Variants in TLL2 observed in about 807,000 individuals in gnomAD.
TLL2 encodes the protein tolloid-like protein 2.
TLL2 carries 106 observed loss-of-function variants against 123.0 expected under a neutral mutation model. The observed-to-expected ratio is 0.86, with a 90% CI of 0.74 to 1.01. The LOEUF is 1.01. TLL2 is among the 50% of genes least tolerant of loss of function. TLL2 has a pLI of 0.00. For missense variants in TLL2, 1,332 were observed against 1,336.7 expected, an observed-to-expected ratio of 1.00 and a Z score of 0.06; for synonymous variants, 494 against 516.8, an observed-to-expected ratio of 0.96 and a Z score of 0.60.
chr10:96,451,461 A>G (rs901150926), intron 2 of TLL2, among the ~76,000 whole-genome samples: 2 of 152,234 alleles, frequency 1.3e-5, no homozygotes, highest in Non-Finnish European at 2.9e-5. Flanking sequence ...GCCTTGTGCC[A>G]TAGATTAATA....
At chr10:96,397,712 G>A (rs1846355429) in intron 10 of TLL2, among the ~76,000 whole-genome samples, 1 of 152,164 alleles carries the variant, frequency 6.6e-6, no homozygotes, top group African/African-American at 2.4e-5. Flanking sequence ...TGCTTTCCTT[G>A]ACTTGGGAAG....
At chr10:96,395,163 T>C (rs770838352) in intron 13 of TLL2, 24 bp downstream of exon 13, 27 of 1,575,000 alleles carry the variant, frequency 1.7e-5, no homozygotes, top group Non-Finnish European at 2.3e-5. Flanking sequence ...TGCCTAAAAG[T>C]GGAAACAAAC....
chr10:96,473,745 C>T (rs1213432962), intron 2 of TLL2, among the ~76,000 whole-genome samples: 1 of 152,194 alleles, frequency 6.6e-6, no homozygotes, highest in Non-Finnish European at 1.5e-5. Context: ...TCATTACAAA[C>T]ATCAAGAAAT....
intron 18 of TLL2, among the ~76,000 whole-genome samples, chr10:96,374,974 G>GGGT (rs1564893319): frequency 1.7e-5 from 2 of 119,618 alleles, no homozygotes; most frequent in South Asian, 5.3e-4. Context: ...GGGGGGGGGG[G>GGGT]GGGTGTCAAT....
rs1014668991 is a variant in TLL2, at chr10:96,370,181, G to C, written c.2797C>G (p.Leu933Val). ...IVAEDGYGVE[L>V]TFRTFEVEEE... ...TCAACCTCAAAGGTCCGGAATGTCA[G>C]CTCCACGCCGTAGCCGTCCTCTGCC... Residue 933 changes from leucine (L) to valine (V), a missense_variant, in exon 20 of 21, where the codon CTG becomes GTG. Physicochemically the swap from Leu to Val is conservative, Grantham distance 32. Transcript: ENST00000357947. The C allele has an allele frequency of 6.2e-7, 1 of 1,614,158 alleles. No homozygotes were observed. The highest frequency in any genetic ancestry group is 8.5e-7 in the Non-Finnish European group (1 of 1,179,992).
intron 2 of TLL2, among the ~76,000 whole-genome samples, chr10:96,472,342 A>C (rs188883430): frequency 2.2e-4 from 34 of 152,350 alleles, no homozygotes; most frequent in Middle Eastern, 3.4e-3. Context: ...CTTGGCAGTC[A>C]GTAGCACTCC....
intron 7 of TLL2, among the ~76,000 whole-genome samples, chr10:96,413,806 G>A (rs1846530066): frequency 6.6e-6 from 1 of 152,158 alleles, no homozygotes; most frequent in Non-Finnish European, 1.5e-5. Context: ...CCAGTTTGGA[G>A]GCCCTGCTGG....
At position 96,425,259 on chromosome 10, in the gene TLL2, T is replaced by TTCTCTCTC. The variant is rs5787184; in HGVS notation, c.639-2540_639-2533dup. ...GATAGCTACCTCTGTCATTACTGTT[T>TTCTCTCTC]TCTCTCTCTCTCTCTCTCTCTCTCT... On this transcript the variant is annotated intron_variant, in intron 5 of 20. Coordinates refer to ENST00000357947, the MANE Select transcript of TLL2 (RefSeq NM_012465.4). Among the ~76,000 whole-genome samples the TTCTCTCTC allele has an allele frequency of 3.1e-3, 452 of 144,322 alleles. 2 individuals are homozygous for TTCTCTCTC. The highest frequency in any genetic ancestry group is 0.011 in the African/African-American group (418 of 38,570). The allele number at this position is 144,322 out of a possible 152,430, so 94.7% of individuals were successfully genotyped here.
At position 96,422,607 on chromosome 10, in the gene TLL2, T is replaced by A; in HGVS notation, c.759A>T (p.Glu253Asp). 1 of 1,614,196 alleles carries A rather than the reference T, an allele frequency of 6.2e-7. No individual in the cohort carries two copies. The highest frequency in any genetic ancestry group is 8.5e-7 in the Non-Finnish European group (1 of 1,180,034). The change falls in exon 6 of 21, where the codon GAA becomes GAT. Residue 253 changes from glutamate (E) to aspartate (D), a missense_variant. Glu to Asp is a conservative substitution (Grantham distance 45, BLOSUM62 2). Transcript: ENST00000357947. Reference sequence around the variant, plus strand: ...GTTGGTCTCTGTCTGGCCGGGTGTGTTCATGCCAAAACCCAACCACATGGC... The same window carrying A: ...GTTGGTCTCTGTCTGGCCGGGTGTGATCATGCCAAAACCCAACCACATGGC... The part of the protein sequence containing the change: ...ELGHVVGFWH[E>D]HTRPDRDQHV...
chr10:96,379,202 TC>T, intron 16 of TLL2, 110 bp from the exon 17 acceptor site: 1 of 1,369,866 alleles, frequency 7.3e-7, no homozygotes, highest in Non-Finnish European at 1.0e-6. Flanking sequence ...CTCTGATTGC[TC>T]CCCTTCCCCC....
At chr10:96,375,600 G>C (rs1035492872) in intron 18 of TLL2, among the ~76,000 whole-genome samples, 36 of 152,164 alleles carry the variant, frequency 2.4e-4, no homozygotes, top group African/African-American at 8.2e-4. Context: ...CCAGCTCTTA[G>C]CAGAGCAGCA....
chr10:96,388,664 T>C (rs968195634), intron 13 of TLL2, among the ~76,000 whole-genome samples: 1 of 152,158 alleles, frequency 6.6e-6, no homozygotes, highest in Non-Finnish European at 1.5e-5. Flanking sequence ...AGTCCACTGG[T>C]CCTCAGAAAA....
chr10:96,463,838 T>A (rs1238855693), intron 2 of TLL2, among the ~76,000 whole-genome samples: 1 of 152,210 alleles, frequency 6.6e-6, no homozygotes, highest in African/African-American at 2.4e-5. Flanking sequence ...AACTAATAAA[T>A]GGAAAACAGT....
chr10:96,368,945 G>T (rs984585760), intron 20 of TLL2, among the ~76,000 whole-genome samples: 8 of 152,230 alleles, frequency 5.3e-5, no homozygotes, highest in Admixed American at 5.2e-4. Flanking sequence ...CAGTGCATTG[G>T]TTAAGTGCCA....
chr10:96,435,448 C>T (rs1007943114), intron 3 of TLL2, among the ~76,000 whole-genome samples: 9 of 152,158 alleles, frequency 5.9e-5, no homozygotes, highest in African/African-American at 2.2e-4. Flanking sequence ...TCCTTTGAAG[C>T]ACAAATGTTT....
At chr10:96,444,306 C>T (rs551804641) in intron 3 of TLL2, among the ~76,000 whole-genome samples, 40 of 152,238 alleles carry the variant, frequency 2.6e-4, no homozygotes, top group African/African-American at 7.9e-4. Context: ...TTATTCATCA[C>T]GGCAAAAGCT....
Position 96,405,297 on chromosome 10 carries a change from C to CT in TLL2, c.1201dup (p.Ser401LysfsTer7), listed in dbSNP as rs1846439191. On this transcript the variant is annotated frameshift_variant, in exon 10 of 21. Coordinates refer to ENST00000357947, the MANE Select transcript of TLL2 (RefSeq NM_012465.4). LOFTEE classifies it high-confidence loss of function. Reference sequence around the variant, plus strand: ...CACGTAATCATACCAGCACAGTCGGCTTTTAAACAAATCCATGGATGTGAA... The same window carrying CT: ...CACGTAATCATACCAGCACAGTCGGCTTTTTAAACAAATCCATGGATGTGAA... The CT allele has an allele frequency of 3.1e-6, 5 of 1,614,126 alleles. No homozygotes were observed. Among genetic ancestry groups the CT allele is most frequent in the Non-Finnish European group, 4.2e-6 (5 of 1,180,028 alleles).
chr10:96,417,949 T>G (rs1846580769), intron 7 of TLL2, among the ~76,000 whole-genome samples: 1 of 152,238 alleles, frequency 6.6e-6, no homozygotes, highest in East Asian at 1.9e-4. Context: ...TCAATTGCTC[T>G]GCAGCAGTAG....
intron 2 of TLL2, among the ~76,000 whole-genome samples, chr10:96,459,732 A>ATATG (rs1222156603): frequency 1.6e-5 from 2 of 123,068 alleles, no homozygotes; most frequent in African/African-American, 5.9e-5. Flanking sequence ...ATATATATAT[A>ATATG]GCAGCTAAAA....
Sources: gnomAD v4.1 joint callset for allele counts (sites outside exome capture counted in the v4.1 genomes callset) on GRCh38, gnomAD v4.1.1 for gene constraint, MANE v1.5 for transcripts, NCBI Gene and HGNC (gene_info 2026-07-23, HGNC 2026-07-21) for gene names.